The following RAN variants were observed in gnomAD, a reference collection of about 807,000 sequenced individuals.
RAN encodes the protein GTP-binding nuclear protein Ran.
A neutral mutation model predicts 26.8 loss-of-function variants in RAN; 2 were observed. That is an observed-to-expected ratio of 0.07 (90% CI 0.03 to 0.23). RAN has a LOEUF of 0.23. Among genes scored for constraint, RAN ranks in the 10% least tolerant of loss-of-function variants. RAN has a pLI of 1.00. For missense variants in RAN, 56 were observed against 264.8 expected, an observed-to-expected ratio of 0.21 and a Z score of 5.47; for synonymous variants, 132 against 95.9, an observed-to-expected ratio of 1.38 and a Z score of -2.20.
intron 5 of RAN, among the ~76,000 whole-genome samples, chr12:130,875,140 C>G (rs1203820932): frequency 1.3e-5 from 2 of 151,248 alleles, no homozygotes; most frequent in Admixed American, 1.3e-4. Flanking sequence ...ATAATTTTGT[C>G]TTTTTTATAC....
Position 130,872,640 on chromosome 12 carries a change from C to T in RAN, c.36+11C>T, listed in dbSNP as rs977649483. 2.0e-6 allele frequency: 3 copies of T among 1,525,130 alleles called. No homozygotes were observed. The highest frequency in any genetic ancestry group is 1.3e-5 in the South Asian group (1 of 78,594). The allele number at this position is 1,525,130 out of a possible 1,614,324, so 94.5% of individuals were successfully genotyped here. ...CAGGTCCAGTTCAAAGTAGGTAACC[C>T]TGCGGGGCGGGAGGCGGCCGAGCCC... On this transcript the variant is annotated intron_variant, in intron 2 of 6. Transcript: ENST00000543796.
rs981610122 is a variant in RAN, at chr12:130,873,961, C to T, written c.248-585C>T. 9.0e-6 allele frequency: 3 copies of T among 333,848 alleles called. No individual in the cohort carries two copies. The East Asian group carries it at 3.4e-4, about 38-fold the overall frequency. 20.7% of individuals were successfully genotyped at this position (333,848 alleles called of 1,614,324 possible). A position where few individuals can be genotyped will look rare whatever the true frequency, so the allele number is the denominator to read the frequency against. On this transcript the variant is annotated intron_variant, in intron 4 of 6. Transcript: ENST00000543796. ...CTCCTAAGCTCAAGCCATCCTCTTA[C>T]CTCAGCATCCTGAGTAGCTTGGACT...
chr12:130,872,646 G>T lies in RAN; in HGVS notation c.36+17G>T. On this transcript the variant is annotated intron_variant, in intron 2 of 6. Transcript: ENST00000543796. Reference sequence around the variant, plus strand: ...CAGTTCAAAGTAGGTAACCCTGCGGGGCGGGAGGCGGCCGAGCCCGACCGC... The same window carrying T: ...CAGTTCAAAGTAGGTAACCCTGCGGTGCGGGAGGCGGCCGAGCCCGACCGC... 6.6e-7 allele frequency: 1 copy of T among 1,521,464 alleles called. No homozygotes were observed. The highest frequency in any genetic ancestry group is 8.8e-7 in the Non-Finnish European group (1 of 1,137,978). The allele number at this position is 1,521,464 out of a possible 1,614,324, so 94.2% of individuals were successfully genotyped here. A position where few individuals can be genotyped will look rare whatever the true frequency, so the allele number is the denominator to read the frequency against.
In RAN at chr12:130,876,223, C is replaced by G. The variant is rs1473172075; in HGVS notation, c.*297C>G. 1.3e-5 allele frequency: 5 copies of G among 391,144 alleles called. No individual in the cohort carries two copies. Among genetic ancestry groups the G allele is most frequent in the Non-Finnish European group, 4.6e-6 (1 of 216,762 alleles). 24.2% of individuals were successfully genotyped at this position (391,144 alleles called of 1,614,324 possible). On this transcript the variant is annotated 3_prime_UTR_variant, in exon 7 of 7. Coordinates refer to ENST00000543796, the MANE Select transcript of RAN (RefSeq NM_006325.5). ...TTCAGTGGTGAAATCTTGTTTGTTA[C>G]TGTCATTCCCATTCCTTTTCGTTTA...
chr12:130,875,815 G>T (rs73461299), intron 6 of RAN, 33 bp downstream of exon 6: 490,197 of 1,613,514 alleles, frequency 0.3, 75,181 homozygotes, highest in African/African-American at 0.35. Context: ...CAGATTGTTC[G>T]GTTTGGCTTG....
chr12:130,872,279 G>A (rs1953148389), intron 1 of RAN, 153 bp downstream of exon 1: 1 of 153,058 alleles, frequency 6.5e-6, no homozygotes, highest in African/African-American at 2.4e-5. Context: ...CGGCCGGGCC[G>A]GGGCAGGAGA....
At chr12:130,872,718 G>A (rs1047626576) in intron 2 of RAN, 89 bp downstream of exon 2, 1 of 1,555,234 alleles carries the variant, frequency 6.4e-7, no homozygotes, top group South Asian at 1.2e-5. Flanking sequence ...GGCTGTAATG[G>A]GGCCCCGCAT....
At chr12:130,872,685 G>C in intron 2 of RAN, 56 bp downstream of exon 2, 1 of 1,534,486 alleles carries the variant, frequency 6.5e-7, no homozygotes, top group Non-Finnish European at 8.8e-7. Context: ...CGACTCGCGG[G>C]TCCCTCCTCC....
chr12:130,872,632 A>G lies in RAN; in HGVS notation c.36+3A>G. 1 of 1,528,664 alleles carries G rather than the reference A, an allele frequency of 6.5e-7. No homozygotes were observed. The highest frequency in any genetic ancestry group is 1.4e-5 in the African/African-American group (1 of 72,044). 94.7% of individuals were successfully genotyped at this position (1,528,664 alleles called of 1,614,324 possible). A position where few individuals can be genotyped will look rare whatever the true frequency, so the allele number is the denominator to read the frequency against. The stretch of plus-strand genomic sequence containing the variant: ...GAGAGCCCCAGGTCCAGTTCAAAGT[A>G]GGTAACCCTGCGGGGCGGGAGGCGG... On this transcript the variant is annotated splice_donor_region_variant and intron_variant, in intron 2 of 6. Transcript: ENST00000543796.
intron 5 of RAN, 36 bp downstream of exon 5, chr12:130,874,769 T>G: frequency 6.6e-7 from 1 of 1,526,502 alleles, no homozygotes; most frequent in African/African-American, 1.4e-5. Flanking sequence ...TTATTTCTCT[T>G]AGCGGAGATT....
intron 4 of RAN, 108 bp from the exon 5 acceptor site, chr12:130,874,438 C>G: frequency 1.3e-6 from 1 of 798,386 alleles, no homozygotes; most frequent in Non-Finnish European, 1.9e-6. Context: ...ATACAGGTGA[C>G]TCGTTGAGGT....
At chr12:130,873,151 A>AT in intron 4 of RAN, 23 bp downstream of exon 4, 1 of 1,614,026 alleles carries the variant, frequency 6.2e-7, no homozygotes, top group Non-Finnish European at 8.5e-7. Context: ...AACTTGCTGA[A>AT]CGGTTTTTGA....
At position 130,875,917 on chromosome 12, in the gene RAN, T is replaced by C. The variant is rs1378666861; in HGVS notation, c.642T>C (p.Asp214=). 1.9e-6 allele frequency: 3 copies of C among 1,614,170 alleles called. No individual in the cohort carries two copies. In the African/African-American group the frequency reaches 4.0e-5, roughly 22 times the overall value. The change falls in exon 7 of 7, where the codon GAT becomes GAC. Residue 214 remains aspartate, a synonymous_variant. Transcript: ENST00000543796. ...AQTTALPDED[D]DL is the part of the protein sequence containing the mutation. The stretch of plus-strand genomic sequence containing the variant: ...CAACTGCTCTCCCGGATGAGGATGA[T>C]GACCTGTGAGAATGAAGCTGGAGCC...
intron 5 of RAN, 98 bp downstream of exon 5, chr12:130,874,831 T>A: frequency 9.0e-7 from 1 of 1,109,462 alleles, no homozygotes. Flanking sequence ...GAAATGATTT[T>A]TTTTTCCCCA....
Position 130,875,758 on chromosome 12 carries a change from A to G in RAN, c.582A>G (p.Ala194=), listed in dbSNP as rs1247338682. Residue 194 remains alanine (A), a synonymous_variant, in exon 6 of 7, where the codon GCA becomes GCG. Coordinates refer to ENST00000543796, the MANE Select transcript of RAN (RefSeq NM_006325.5). ...AAGTTGTCATGGACCCAGCTTTGGC[A>G]GCACAGTATGAGCACGACTTAGAGG... ...PPEVVMDPAL[A]AQYEHDLEVA... The G allele has an allele frequency of 1.9e-6, 3 of 1,614,110 alleles. No homozygotes were observed. The highest frequency in any genetic ancestry group is 1.1e-5 in the South Asian group (1 of 91,070).
rs746944517 is a variant in RAN, at chr12:130,872,719, G to A, written c.36+90G>A. 5.5e-5 allele frequency: 85 copies of A among 1,559,128 alleles called. No homozygotes were observed. In the Admixed American group the frequency reaches 1.2e-3, roughly 21 times the overall value. On this transcript the variant is annotated intron_variant, in intron 2 of 6. Transcript: ENST00000543796. ...CCTGGGGCCACGATGGCTGTAATGGGGCCCCGCATCCACATTCTTTGTTTT... is the reference window on the plus strand; with the variant it reads ...CCTGGGGCCACGATGGCTGTAATGGAGCCCCGCATCCACATTCTTTGTTTT...
chr12:130,872,986 C>T lies in RAN; in HGVS notation c.122-17C>T, dbSNP rs1189741712. On this transcript the variant is annotated splice_polypyrimidine_tract_variant and intron_variant, in intron 3 of 6. Transcript: ENST00000543796. ...ATGGGTAAGTTCATCCACTCAATCG[C>T]ATCGTTTCCGTTTCAGCCACCTTGG... 6.2e-7 allele frequency: 1 copy of T among 1,614,186 alleles called. No homozygotes were observed. Among genetic ancestry groups the T allele is most frequent in the Non-Finnish European group, 8.5e-7 (1 of 1,180,034 alleles).
At chr12:130,872,807 G>A (rs1373089234) in intron 2 of RAN, 29 bp from the exon 3 acceptor site, 3 of 1,611,784 alleles carry the variant, frequency 1.9e-6, no homozygotes, top group Non-Finnish European at 2.5e-6. Flanking sequence ...AGTGTTTAGG[G>A]TTTACTTCCA....
In RAN at chr12:130,872,622, A is replaced by G. The variant is rs1189764536; in HGVS notation, c.29A>G (p.Gln10Arg). The G allele has an allele frequency of 6.5e-7, 1 of 1,528,940 alleles. No homozygotes were observed. The allele number at this position is 1,528,940 out of a possible 1,614,324, so 94.7% of individuals were successfully genotyped here. ...GCTGCGCAGGGAGAGCCCCAGGTCC[A>G]GTTCAAAGTAGGTAACCCTGCGGGG... MAAQGEPQVQFKLVLVGDGG... is the reference protein window; with the variant it reads MAAQGEPQVRFKLVLVGDGG... Residue 10 changes from glutamine to arginine, a missense_variant, in exon 2 of 7, where the codon CAG becomes CGG. Transcript: ENST00000543796.
Sources: allele counts gnomAD v4.1 joint callset (sites outside exome capture counted in the v4.1 genomes callset), GRCh38; gene constraint gnomAD v4.1.1; transcripts MANE v1.5; gene names NCBI Gene and HGNC (gene_info 2026-07-23, HGNC 2026-07-21).